Variants in STX7 observed in about 807,000 individuals in gnomAD.
The protein encoded by STX7 is syntaxin 7.
Under a neutral mutation model 39.6 loss-of-function variants are expected in STX7, and 34 were observed. That is an observed-to-expected ratio of 0.86 (90% CI 0.65 to 1.14). The LOEUF is 1.14. Ranked by LOEUF, STX7 falls within the 50% of genes most tolerant of loss-of-function variation. The pLI, the probability that STX7 is intolerant of heterozygous loss-of-function variation, is 0.00. For synonymous variants in STX7, 119 were observed against 99.1 expected (o/e 1.20, Z -1.19); for missense variants, 284 against 310.4 (o/e 0.92, Z 0.64).
intron 5 of STX7, 118 bp downstream of exon 5, chr6:132,471,345 C>T: frequency 8.7e-7 from 1 of 1,154,212 alleles, no homozygotes; most frequent in Non-Finnish European, 1.2e-6. Context: ...TATTCAAGAG[C>T]TGATTTCCAA....
intron 2 of STX7, among the ~76,000 whole-genome samples, chr6:132,483,752 T>C (rs551411101): frequency 6.6e-6 from 1 of 152,332 alleles, no homozygotes; most frequent in African/African-American, 2.4e-5. Flanking sequence ...CAGGATCTTC[T>C]GCGACACCCC....
At chr6:132,468,791 C>T (rs960447363) in intron 7 of STX7, among the ~76,000 whole-genome samples, 1 of 152,178 alleles carries the variant, frequency 6.6e-6, no homozygotes, top group African/African-American at 2.4e-5. Context: ...TCATTTTATA[C>T]AACCTGATAG....
chr6:132,480,101 C>A (rs1175416882), intron 2 of STX7, among the ~76,000 whole-genome samples: 2 of 152,106 alleles, frequency 1.3e-5, no homozygotes, highest in Non-Finnish European at 2.9e-5. Context: ...CATGCTTCTA[C>A]CAGACTCCTA....
intron 2 of STX7, among the ~76,000 whole-genome samples, chr6:132,495,954 A>G (rs1775411990): frequency 6.6e-6 from 1 of 152,216 alleles, no homozygotes. Flanking sequence ...TGCTGAACTA[A>G]TACCTTTAAT....
intron 6 of STX7, 44 bp downstream of exon 6, chr6:132,470,530 T>C (rs1444214232): frequency 6.7e-7 from 1 of 1,481,822 alleles, no homozygotes; most frequent in Admixed American, 1.7e-5. Context: ...GTATAAACTT[T>C]GAAAAATTAC....
Position 132,451,561 on chromosome 6 carries a change from G to T in STX7, c.*9197C>A, listed in dbSNP as rs758078111. 11 of 152,030 alleles carry T rather than the reference G, an allele frequency of 7.2e-5. No homozygotes were observed. The highest frequency in any genetic ancestry group is 1.3e-4 in the Non-Finnish European group (9 of 68,000). 9.4% of individuals were successfully genotyped at this position (152,030 alleles called of 1,614,324 possible). A position where few individuals can be genotyped will look rare whatever the true frequency, so the allele number is the denominator to read the frequency against. On this transcript the variant is annotated 3_prime_UTR_variant, in exon 10 of 10. Transcript: ENST00000367941. Reference sequence around the variant, plus strand: ...AATGGAACTACAATAATAATAATAAGGCTAAAGGAGTGCTCTAAACAGAAA... The same window carrying T: ...AATGGAACTACAATAATAATAATAATGCTAAAGGAGTGCTCTAAACAGAAA...
Position 132,452,782 on chromosome 6 carries a change from A to G in STX7, c.*7976T>C, listed in dbSNP as rs1774160138. ...GTGATCATGATCGGGAAGGCTTAAC[A>G]TGGTAAAGATGTCAAATCTCCCCAA... On this transcript the variant is annotated 3_prime_UTR_variant, in exon 10 of 10. Coordinates refer to ENST00000367941, the MANE Select transcript of STX7 (RefSeq NM_003569.3). 3 of 152,294 alleles carry G rather than the reference A, an allele frequency of 2.0e-5. No individual in the cohort carries two copies. In the Middle Eastern group the frequency reaches 0.01, roughly 518 times the overall value. The allele number at this position is 152,294 out of a possible 1,614,324, so 9.4% of individuals were successfully genotyped here.
At chr6:132,499,140 C>CT (rs147324647) in intron 2 of STX7, among the ~76,000 whole-genome samples, 1 of 151,838 alleles carries the variant, frequency 6.6e-6, no homozygotes, top group Non-Finnish European at 1.5e-5. Flanking sequence ...ATTCCCATGC[C>CT]CTCACTTTCA....
Position 132,493,647 on chromosome 6 carries a change from G to A in STX7, c.85+9799C>T, listed in dbSNP as rs551887274. On this transcript the variant is annotated intron_variant, in intron 2 of 9. Coordinates refer to ENST00000367941, the MANE Select transcript of STX7 (RefSeq NM_003569.3). ...CCATTACACCTCTTTTTCTTTATAA[G>A]CTACCCAGTCTCAGGTATGTCTTTA... 2.6e-5 allele frequency among the ~76,000 whole-genome samples: 4 copies of A among 152,230 alleles called. No homozygotes were observed. In the South Asian group the frequency reaches 8.3e-4, roughly 32 times the overall value.
Position 132,489,225 on chromosome 6 carries a change from A to G in STX7, c.86-13563T>C, listed in dbSNP as rs1432320066. The stretch of plus-strand genomic sequence containing the variant: ...TAAAAAAAAAAAAAAAAAAAAAAAA[A>G]GGATGATATATATGTAAACATTTTA... On this transcript the variant is annotated intron_variant, in intron 2 of 9. Coordinates refer to ENST00000367941, the MANE Select transcript of STX7 (RefSeq NM_003569.3). Among the ~76,000 whole-genome samples the G allele has an allele frequency of 4.5e-5, 6 of 133,488 alleles. No homozygotes were observed. In the Admixed American group the frequency reaches 4.6e-4, roughly 10 times the overall value. The allele number at this position is 133,488 out of a possible 152,430, so 87.6% of individuals were successfully genotyped here.
chr6:132,471,593 C>T lies in STX7; in HGVS notation c.257G>A (p.Arg86Lys). The T allele has an allele frequency of 6.2e-7, 1 of 1,611,634 alleles. No individual in the cohort carries two copies. The highest frequency in any genetic ancestry group is 2.2e-5 in the East Asian group (1 of 44,824). The change falls in exon 5 of 10, where the codon AGG (arginine) becomes AAG (lysine). Residue 86 changes from arginine to lysine, a missense_variant. Coordinates refer to ENST00000367941, the MANE Select transcript of STX7 (RefSeq NM_003569.3). ...CACTAAGCGATCCTTCTGTATTTTC[C>T]TTTGACGCTAGAGGAAAGAGAAGAA... The part of the protein sequence containing the change: ...LPTTPSEQRQ[R>K]KIQKDRLVAE...
Position 132,512,009 on chromosome 6 carries a change from A to G in STX7, c.-59+998T>C, listed in dbSNP as rs143414608. Among the ~76,000 whole-genome samples, 16 of 152,292 alleles carry G rather than the reference A, an allele frequency of 1.1e-4. No individual in the cohort carries two copies. The East Asian group carries it at 2.1e-3, about 20-fold the overall frequency. On this transcript the variant is annotated intron_variant, in intron 1 of 9. Transcript: ENST00000367941. ...TTAAGAGCATAATTCTTAACTAGTC[A>G]CGAGTCTGAGGCCAACTTCTCAAAG...
chr6:132,480,379 A>G (rs1582661659), intron 2 of STX7, among the ~76,000 whole-genome samples: 1 of 152,326 alleles, frequency 6.6e-6, no homozygotes, highest in South Asian at 2.1e-4. Context: ...TTTCACCTAC[A>G]GCCAGAAAGA....
chr6:132,487,032 A>T (rs1045511383), intron 2 of STX7, among the ~76,000 whole-genome samples: 4 of 152,232 alleles, frequency 2.6e-5, no homozygotes, highest in Non-Finnish European at 5.9e-5. Flanking sequence ...TGACCTGCTA[A>T]AACGAATTCT....
chr6:132,485,185 T>C (rs1277037747), intron 2 of STX7, among the ~76,000 whole-genome samples: 2 of 152,226 alleles, frequency 1.3e-5, no homozygotes, highest in Non-Finnish European at 2.9e-5. Flanking sequence ...CCTGCATATC[T>C]GTTCCTTCCC....
In STX7 at chr6:132,448,633, G is replaced by C. The variant is rs985246677; in HGVS notation, c.*12125C>G. ...GTAGATCACCTGAAGTCAGGAGTTC[G>C]AGAACAGCCTGGCCAACATGGCAAA... On this transcript the variant is annotated 3_prime_UTR_variant, in exon 10 of 10. Transcript: ENST00000367941. The C allele has an allele frequency of 6.6e-6, 1 of 152,008 alleles. No individual in the cohort carries two copies. The highest frequency in any genetic ancestry group is 2.4e-5 in the African/African-American group (1 of 41,366). 9.4% of individuals were successfully genotyped at this position (152,008 alleles called of 1,614,324 possible). A position where few individuals can be genotyped will look rare whatever the true frequency, so the allele number is the denominator to read the frequency against.
chr6:132,503,843 T>C (rs999952776), intron 1 of STX7, among the ~76,000 whole-genome samples: 3 of 152,216 alleles, frequency 2.0e-5, no homozygotes, highest in Non-Finnish European at 1.5e-5. Flanking sequence ...TGAAAACGTC[T>C]TTGATCTCTT....
chr6:132,467,831 C>T (rs1414087524), intron 8 of STX7, among the ~76,000 whole-genome samples: 1 of 152,174 alleles, frequency 6.6e-6, no homozygotes, highest in African/African-American at 2.4e-5. Context: ...AACAACTACA[C>T]CCTAATTGAA....
At chr6:132,511,575 G>A (rs994119095) in intron 1 of STX7, among the ~76,000 whole-genome samples, 4 of 152,216 alleles carry the variant, frequency 2.6e-5, no homozygotes, top group Non-Finnish European at 2.9e-5. Context: ...GTCATCCTGT[G>A]TAATCTACAG....
Sources: gnomAD v4.1 joint callset for allele counts (sites outside exome capture counted in the v4.1 genomes callset) on GRCh38, gnomAD v4.1.1 for gene constraint, MANE v1.5 for transcripts, NCBI Gene and HGNC (gene_info 2026-07-23, HGNC 2026-07-21) for gene names.